Variants in SLC31A2 observed in about 807,000 individuals in gnomAD.
The protein encoded by SLC31A2 is protein SLC31A2.
A neutral mutation model predicts 14.4 loss-of-function variants in SLC31A2; 16 were observed. The observed-to-expected ratio is 1.11, with a 90% CI of 0.75 to 1.69. SLC31A2 has a LOEUF of 1.69. Ranked by LOEUF, SLC31A2 falls within the 40% of genes most tolerant of loss-of-function variation. SLC31A2 has a pLI of 0.00. For missense variants in SLC31A2, 140 were observed against 173.9 expected (o/e 0.81, Z 1.10); for synonymous variants, 56 against 68.7 (o/e 0.82, Z 0.91).
rs2118822237 is a variant in SLC31A2, at chr9:113,151,619, C to T, written c.6+539C>T. The T allele has an allele frequency of 6.5e-6, 1 of 152,730 alleles. No homozygotes were observed. The highest frequency in any genetic ancestry group is 2.1e-4 in the South Asian group (1 of 4,834). The allele number at this position is 152,730 out of a possible 1,614,324, so 9.5% of individuals were successfully genotyped here. A position where few individuals can be genotyped will look rare whatever the true frequency, so the allele number is the denominator to read the frequency against. ...CTTCCCTACACTTTCAGTCAGAAAA[C>T]AGCGTTTCAGACAAGCTGTTTTTCT... On this transcript the variant is annotated intron_variant, in intron 1 of 3. Transcript: ENST00000259392. The surrounding 1 kb of genome is among the most constrained non-coding windows in gnomAD (Gnocchi z 4.2).
intron 1 of SLC31A2, among the ~76,000 whole-genome samples, chr9:113,155,107 G>T (rs542881508): frequency 6.6e-6 from 1 of 152,302 alleles, no homozygotes; most frequent in East Asian, 1.9e-4. Flanking sequence ...TCTCTGTCTA[G>T]TATTGCACAA....
At chr9:113,162,717 C>A in intron 3 of SLC31A2, 32 bp from the exon 4 acceptor site, 1 of 1,588,626 alleles carries the variant, frequency 6.3e-7, no homozygotes, top group South Asian at 1.1e-5. Flanking sequence ...CAGCTCATTA[C>A]CAGGATTAAC....
At chr9:113,157,638 T>C in intron 1 of SLC31A2, 89 bp from the exon 2 acceptor site, 3 of 1,080,272 alleles carry the variant, frequency 2.8e-6, no homozygotes, top group South Asian at 1.4e-5. Context: ...CCCATTTTTC[T>C]GGGCTCCCAG....
intron 2 of SLC31A2, 103 bp from the exon 3 acceptor site, chr9:113,161,406 C>A: frequency 9.8e-7 from 1 of 1,021,786 alleles, no homozygotes. Context: ...GAAGAAGGTG[C>A]AGGATAGAGG....
intron 2 of SLC31A2, among the ~76,000 whole-genome samples, chr9:113,158,304 A>G (rs1829960645): frequency 6.6e-6 from 1 of 152,230 alleles, no homozygotes; most frequent in South Asian, 2.1e-4. Flanking sequence ...TTCAACTTAA[A>G]TAACTGCATC....
intron 1 of SLC31A2, among the ~76,000 whole-genome samples, chr9:113,153,942 A>C (rs965510769): frequency 6.6e-6 from 1 of 151,976 alleles, no homozygotes; most frequent in African/African-American, 2.4e-5. Flanking sequence ...GTGGTGCCCC[A>C]TCCAACCCGG....
At chr9:113,158,534 C>CA in intron 2 of SLC31A2, among the ~76,000 whole-genome samples, 1 of 152,158 alleles carries the variant, frequency 6.6e-6, no homozygotes, top group East Asian at 1.9e-4. Context: ...TATAGTCAAA[C>CA]AGTGGCTGGA....
rs995067344 is a variant in SLC31A2 at position 113,157,927 on chromosome 9, C to T, written c.73+134C>T. 1.5e-5 allele frequency: 11 copies of T among 727,764 alleles called. No individual in the cohort carries two copies. The African/African-American group carries it at 1.8e-4, about 12-fold the overall frequency. 45.1% of individuals were successfully genotyped at this position (727,764 alleles called of 1,614,324 possible). ...CTCTGGCATAAACACTGAGCAGGAA[C>T]TTCACAGTTATAATTCCATTTGTAA... On this transcript the variant is annotated intron_variant, in intron 2 of 3. Transcript: ENST00000259392.
At chr9:113,161,983 C>T (rs1830020901) in intron 3 of SLC31A2, 1 of 507,458 alleles carries the variant, frequency 2.0e-6, no homozygotes, top group Non-Finnish European at 3.6e-6. Flanking sequence ...AATGAGGTGG[C>T]CACCCACCCT....
rs1830045017 is a variant in SLC31A2 at position 113,163,159 on chromosome 9, A to C, written c.*242A>C. On this transcript the variant is annotated 3_prime_UTR_variant, in exon 4 of 4. Transcript: ENST00000259392. ...CTTGTGTCTTAAGACAGCTGCTGTG[A>C]CCAAAGGGAGAATGGAGATAACAGG... 5.8e-6 allele frequency: 2 copies of C among 345,618 alleles called. No homozygotes were observed. Among genetic ancestry groups the C allele is most frequent in the Non-Finnish European group, 1.0e-5 (2 of 191,676 alleles). The allele number at this position is 345,618 out of a possible 1,614,324, so 21.4% of individuals were successfully genotyped here.
intron 1 of SLC31A2, among the ~76,000 whole-genome samples, chr9:113,156,774 T>A (rs1384773616): frequency 6.6e-6 from 1 of 152,204 alleles, no homozygotes; most frequent in Non-Finnish European, 1.5e-5. Flanking sequence ...TGTGGGCGTC[T>A]GAACTCACCA....
Position 113,162,982 on chromosome 9 carries a change from C to G in SLC31A2, c.*65C>G, listed in dbSNP as rs969515816. 35 of 1,382,542 alleles carry G rather than the reference C, an allele frequency of 2.5e-5. No individual in the cohort carries two copies. Among genetic ancestry groups the G allele is most frequent in the Non-Finnish European group, 3.3e-5 (34 of 1,033,550 alleles). 85.6% of individuals were successfully genotyped at this position (1,382,542 alleles called of 1,614,324 possible). On this transcript the variant is annotated 3_prime_UTR_variant, in exon 4 of 4. Transcript: ENST00000259392. The stretch of plus-strand genomic sequence containing the variant: ...GGAGCCCCCTCTTCCAGACACTATA[C>G]TTCCAACTGCCCTTTCTTCTGATGG...
In SLC31A2 at chr9:113,158,782, T is replaced by C. The variant is rs1279031596; in HGVS notation, c.73+989T>C. ...AATCAGATAAAATTACTTCTACCTT[T>C]ATTGGCTGAAGCAGTCACGAAGGTC... is the stretch of plus-strand genomic sequence containing the variant. On this transcript the variant is annotated intron_variant, in intron 2 of 3. Transcript: ENST00000259392. 3.3e-5 allele frequency among the ~76,000 whole-genome samples: 5 copies of C among 152,142 alleles called. No homozygotes were observed. In the East Asian group the frequency reaches 9.6e-4, roughly 29 times the overall value.
intron 2 of SLC31A2, among the ~76,000 whole-genome samples, chr9:113,158,884 A>T (rs1829968817): frequency 6.6e-6 from 1 of 152,136 alleles, no homozygotes; most frequent in Non-Finnish European, 1.5e-5. Flanking sequence ...TAAGAAGGGG[A>T]TGTGGGGTGG....
Position 113,151,074 on chromosome 9 carries a change from C to T in SLC31A2, c.-1C>T, listed in dbSNP as rs1169133231. 3 of 1,308,456 alleles carry T rather than the reference C, an allele frequency of 2.3e-6. No homozygotes were observed. The highest frequency in any genetic ancestry group is 3.3e-5 in the Admixed American group (1 of 30,170). 81.1% of individuals were successfully genotyped at this position (1,308,456 alleles called of 1,614,324 possible). On this transcript the variant is annotated 5_prime_UTR_variant, in exon 1 of 4. Transcript: ENST00000259392. This position sits in a 1 kb window ranked among gnomAD's most constrained non-coding sequence, Gnocchi z 4.2. ...CCTGGCGCCCGCCCTGCGCACTCAC[C>T]ATGGCGGTAAGGGCCGGGCGCTACG...
chr9:113,163,281 C>T lies in SLC31A2; in HGVS notation c.*364C>T, dbSNP rs1023481156. ...CCAGGGAGAAGGGTTCTTGGTGATGCAGGGCATGGAACCTGGACACCCTCA... is the reference window on the plus strand; with the variant it reads ...CCAGGGAGAAGGGTTCTTGGTGATGTAGGGCATGGAACCTGGACACCCTCA... On this transcript the variant is annotated 3_prime_UTR_variant, in exon 4 of 4. Transcript: ENST00000259392. 4.3e-5 allele frequency: 7 copies of T among 164,002 alleles called. No homozygotes were observed. The highest frequency in any genetic ancestry group is 6.6e-5 in the Non-Finnish European group (5 of 75,830). The allele number at this position is 164,002 out of a possible 1,614,324, so 10.2% of individuals were successfully genotyped here.
intron 1 of SLC31A2, among the ~76,000 whole-genome samples, chr9:113,156,949 TA>T (rs1370982625): frequency 6.6e-6 from 1 of 152,238 alleles, no homozygotes; most frequent in African/African-American, 2.4e-5. Context: ...CTAGTTTCCC[TA>T]ACTTTCCTTC....
rs758999408 is a variant in SLC31A2 at position 113,162,825 on chromosome 9, G to A, written c.340G>A (p.Val114Ile). 14 of 1,613,740 alleles carry A rather than the reference G, an allele frequency of 8.7e-6. No individual in the cohort carries two copies. The highest frequency in any genetic ancestry group is 1.1e-5 in the Non-Finnish European group (13 of 1,179,786). The change falls in exon 4 of 4, where the codon GTA becomes ATA. Residue 114 changes from valine (V) to isoleucine (I), a missense_variant. Val to Ile is a conservative substitution (Grantham distance 29). Transcript: ENST00000259392. ...CATCGGCTACTTCATCATGCTGGCC[G>A]TAATGTCCTACAACACCTGGATTTT... is the stretch of plus-strand genomic sequence containing the variant. ...VVIGYFIMLA[V>I]MSYNTWIFLG...
At chr9:113,157,968 T>A (rs1829955726) in intron 2 of SLC31A2, 175 bp downstream of exon 2, 23 of 690,480 alleles carry the variant, frequency 3.3e-5, no homozygotes, top group South Asian at 3.3e-4. Flanking sequence ...CCCCTTCAGA[T>A]CGCAAAGGGC....
Sources: allele counts gnomAD v4.1 joint callset (sites outside exome capture counted in the v4.1 genomes callset), GRCh38; gene constraint gnomAD v4.1.1; non-coding constraint Gnocchi (gnomAD v3.1); transcripts MANE v1.5; gene names NCBI Gene and HGNC (gene_info 2026-07-23, HGNC 2026-07-21).